NALF1: variants seen among roughly 807,000 people sequenced by gnomAD.
The protein encoded by NALF1 is family with sequence similarity 155 member A.
NALF1 carries 3 observed loss-of-function variants against 48.4 expected under a neutral mutation model. The observed-to-expected ratio is 0.06, with a 90% CI of 0.03 to 0.16. The LOEUF (loss-of-function observed/expected upper bound fraction) is 0.16. NALF1 is among the 10% of genes least tolerant of loss of function. The pLI is 1.00. For synonymous variants in NALF1, 262 were observed against 245.7 expected (o/e 1.07, Z -0.62); for missense variants, 526 against 571.5 (o/e 0.92, Z 0.81).
At chr13:107,515,364 A>G (rs1047925113) in intron 1 of NALF1, among the ~76,000 whole-genome samples, 1 of 152,202 alleles carries the variant, frequency 6.6e-6, no homozygotes, top group African/African-American at 2.4e-5. Flanking sequence ...TGAGTATTAA[A>G]TATCAGTATA....
chr13:107,863,664 C>T (rs1363317858), intron 1 of NALF1, among the ~76,000 whole-genome samples: 2 of 152,106 alleles, frequency 1.3e-5, no homozygotes, highest in Non-Finnish European at 2.9e-5. Context: ...CAATTAACTT[C>T]TACTTTACAC....
intron 1 of NALF1, among the ~76,000 whole-genome samples, chr13:107,741,152 T>C (rs1876622779): frequency 6.6e-6 from 1 of 152,192 alleles, no homozygotes; most frequent in Admixed American, 6.5e-5. Context: ...TCTGGGCTCA[T>C]CCACAGCACA....
At chr13:107,306,846 T>C (rs909823353) in intron 1 of NALF1, among the ~76,000 whole-genome samples, 3 of 152,118 alleles carry the variant, frequency 2.0e-5, no homozygotes, top group African/African-American at 7.2e-5. Context: ...CTGCCTGTAG[T>C]CTCAGCTACT....
At chr13:107,446,405 T>TCACA (rs34962012) in intron 1 of NALF1, among the ~76,000 whole-genome samples, 2,851 of 146,066 alleles carry the variant, frequency 0.02, 62 homozygotes, top group East Asian at 0.12. Flanking sequence ...ATAATTAAAT[T>TCACA]CACACACACA....
chr13:107,753,617 G>T (rs2211313), intron 1 of NALF1, among the ~76,000 whole-genome samples: 21,294 of 151,866 alleles, frequency 0.14, 1,753 homozygotes, highest in Admixed American at 0.24. Flanking sequence ...TCACGTCAAG[G>T]CAAAAAGAAA....
chr13:107,297,116 A>T (rs1881741635), intron 1 of NALF1, among the ~76,000 whole-genome samples: 1 of 152,086 alleles, frequency 6.6e-6, no homozygotes, highest in South Asian at 2.1e-4. Context: ...CGAGCCTCTC[A>T]GTCTATGTAA....
chr13:107,178,358 A>G (rs192915185), intron 2 of NALF1, among the ~76,000 whole-genome samples: 5 of 152,356 alleles, frequency 3.3e-5, no homozygotes, highest in African/African-American at 1.2e-4. Flanking sequence ...ATTCCACAGG[A>G]AAACATCTAA....
chr13:107,491,732 A>T (rs1594091838), intron 1 of NALF1, among the ~76,000 whole-genome samples: 1 of 151,814 alleles, frequency 6.6e-6, no homozygotes. Context: ...CTCCACCAAC[A>T]CTCTCGCTCT....
intron 1 of NALF1, among the ~76,000 whole-genome samples, chr13:107,530,662 G>A (rs1264164901): frequency 6.6e-6 from 1 of 151,966 alleles, no homozygotes; most frequent in African/African-American, 2.4e-5. Flanking sequence ...GGTACTACAT[G>A]ACAAATAGGA....
intron 2 of NALF1, among the ~76,000 whole-genome samples, chr13:107,184,309 CT>C (rs1594059444): frequency 6.6e-6 from 1 of 152,148 alleles, no homozygotes; most frequent in African/African-American, 2.4e-5. Flanking sequence ...GATCTAATTT[CT>C]TTAATTTTGC....
In NALF1 at chr13:107,169,445, G is replaced by C. The variant is rs1450801098; in HGVS notation, c.*1052C>G. The C allele has an allele frequency of 6.6e-6, 1 of 151,926 alleles. No homozygotes were observed. The highest frequency in any genetic ancestry group is 1.5e-5 in the Non-Finnish European group (1 of 67,984). The allele number at this position is 151,926 out of a possible 1,614,324, so 9.4% of individuals were successfully genotyped here. On this transcript the variant is annotated 3_prime_UTR_variant, in exon 3 of 3. Transcript: ENST00000375915. ...TTTGTTTGTTCCCTGTAATTACAATGGCCAAAATGTGCTCCTATATTACTG... is the reference window on the plus strand; with the variant it reads ...TTTGTTTGTTCCCTGTAATTACAATCGCCAAAATGTGCTCCTATATTACTG...
intron 1 of NALF1, among the ~76,000 whole-genome samples, chr13:107,253,138 A>C (rs1025835760): frequency 1.3e-5 from 2 of 150,950 alleles, no homozygotes; most frequent in African/African-American, 2.4e-5. Flanking sequence ...GAATCAATTC[A>C]TACTTGTGAA....
At chr13:107,338,596 A>G (rs992879722) in intron 1 of NALF1, among the ~76,000 whole-genome samples, 1 of 152,198 alleles carries the variant, frequency 6.6e-6, no homozygotes, top group African/African-American at 2.4e-5. Flanking sequence ...CTGTAAAATA[A>G]AGACAATAAT....
chr13:107,687,137 G>T (rs1367591442), intron 1 of NALF1, among the ~76,000 whole-genome samples: 5 of 152,160 alleles, frequency 3.3e-5, no homozygotes, highest in Admixed American at 3.3e-4. Flanking sequence ...ATGAAATTAT[G>T]TCCTTTGCAG....
intron 1 of NALF1, among the ~76,000 whole-genome samples, chr13:107,800,957 C>A (rs1349564579): frequency 6.6e-6 from 1 of 151,966 alleles, no homozygotes; most frequent in African/African-American, 2.4e-5. Flanking sequence ...TATCAATGAA[C>A]TATCTTATAC....
intron 1 of NALF1, among the ~76,000 whole-genome samples, chr13:107,233,947 C>A (rs924730329): frequency 5.3e-5 from 8 of 152,154 alleles, no homozygotes; most frequent in African/African-American, 1.9e-4. Flanking sequence ...GTTTTTATGA[C>A]ATTGTTATTT....
At chr13:107,196,690 G>T (rs2138789729) in intron 2 of NALF1, among the ~76,000 whole-genome samples, 1 of 152,270 alleles carries the variant, frequency 6.6e-6, no homozygotes, top group East Asian at 1.9e-4. Flanking sequence ...CTCCATGGTG[G>T]GGGAGATGGG....
At chr13:107,267,035 G>A (rs1011139877) in intron 1 of NALF1, among the ~76,000 whole-genome samples, 3 of 152,120 alleles carry the variant, frequency 2.0e-5, no homozygotes, top group African/African-American at 4.8e-5. Context: ...TTACACCTGG[G>A]TTAACTGAGG....
intron 1 of NALF1, among the ~76,000 whole-genome samples, chr13:107,694,203 T>C (rs1881644470): frequency 1.3e-5 from 2 of 152,222 alleles, no homozygotes; most frequent in Admixed American, 1.3e-4. Flanking sequence ...TTTCAAATCC[T>C]ACTCAAGTAA....
Sources: gnomAD v4.1 joint callset for allele counts (sites outside exome capture counted in the v4.1 genomes callset) on GRCh38, gnomAD v4.1.1 for gene constraint, MANE v1.5 for transcripts, NCBI Gene and HGNC (gene_info 2026-07-23, HGNC 2026-07-21) for gene names.